Variants in MUC3A observed in about 807,000 individuals in gnomAD.
MUC3A encodes mucin-3A.
In MUC3A, 109 loss-of-function variants were observed where a neutral mutation model predicts 109.0. That is an observed-to-expected ratio of 1.00 (90% CI 0.86 to 1.17). MUC3A has a LOEUF of 1.17. Among genes scored for constraint, MUC3A ranks in the 50% most tolerant of loss-of-function variants. The probability of loss-of-function intolerance (pLI) is 0.00; values close to 1 mark genes in which losing one functional copy is unlikely to be tolerated. For synonymous variants in MUC3A, 1,398 were observed against 981.4 expected (o/e 1.42, Z -7.93); for missense variants, 3,537 against 2,469.4 (o/e 1.43, Z -9.16).
Position 100,952,968 on chromosome 7 carries a change from C to T in MUC3A, c.1189C>T (p.His397Tyr). 6.3e-7 allele frequency: 1 copy of T among 1,580,118 alleles called. No homozygotes were observed. Among genetic ancestry groups the T allele is most frequent in the Admixed American group, 1.7e-5 (1 of 58,010 alleles). ...LVTTTTEISS[H>Y]STPSFSSSTI... Reference sequence around the variant, plus strand: ...AACCACCACCACTGAGATCTCCTCCCACAGTACTCCCAGCTTCTCTTCATC... The same window carrying T: ...AACCACCACCACTGAGATCTCCTCCTACAGTACTCCCAGCTTCTCTTCATC... The change falls in exon 2 of 12, where the codon CAC becomes TAC. Residue 397 changes from histidine to tyrosine, a missense_variant. Coordinates refer to ENST00000379458, the MANE Select transcript of MUC3A (RefSeq NM_005960.2).
chr7:100,963,647 TG>T, intron 4 of MUC3A, 40 bp from the exon 5 acceptor site: 1 of 1,598,336 alleles, frequency 6.3e-7, no homozygotes, highest in South Asian at 1.1e-5. Context: ...CCCTCAGGTC[TG>T]CAGGTTCGGA....
At position 100,965,903 on chromosome 7, in the gene MUC3A, C is replaced by T. The variant is rs763375983; in HGVS notation, c.9611+37C>T. 1.0e-5 allele frequency: 16 copies of T among 1,564,184 alleles called. No homozygotes were observed. The African/African-American group carries it at 2.0e-4, about 20-fold the overall frequency. On this transcript the variant is annotated intron_variant, in intron 8 of 11. Coordinates refer to ENST00000379458, the MANE Select transcript of MUC3A (RefSeq NM_005960.2). Reference sequence around the variant, plus strand: ...CTCACCATCGGCATCAGCCGAGCCCCTCCCACTCATTCTAGGATGAAGCCC... The same window carrying T: ...CTCACCATCGGCATCAGCCGAGCCCTTCCCACTCATTCTAGGATGAAGCCC...
At chr7:100,963,789 G>C in intron 5 of MUC3A, 37 bp downstream of exon 5, 1 of 1,598,238 alleles carries the variant, frequency 6.3e-7, no homozygotes, top group Non-Finnish European at 8.5e-7. Flanking sequence ...GGCGGTGTTG[G>C]GTGGGGGAAA....
In MUC3A at chr7:100,960,806, G is replaced by T. The variant is rs759534118; in HGVS notation, c.8921G>T (p.Gly2974Val). The T allele has an allele frequency of 1.3e-6, 2 of 1,598,532 alleles. No individual in the cohort carries two copies. The highest frequency in any genetic ancestry group is 1.7e-6 in the Non-Finnish European group (2 of 1,179,814). The change falls in exon 3 of 12, where the codon GGG (glycine) becomes GTG (valine). Residue 2974 changes from glycine (G) to valine (V), a missense_variant. Coordinates refer to ENST00000379458, the MANE Select transcript of MUC3A (RefSeq NM_005960.2). ...CAGGGCCAGTGTGCTTGCCTTCCGG[G>T]GTTTTCTGGGGACCGCTGTCAGCTC... ...WEQGQCACLP[G>V]FSGDRCQLQT...
At position 100,952,472 on chromosome 7, in the gene MUC3A, G is replaced by C. The variant is rs769059105; in HGVS notation, c.693G>C (p.Leu231=). The stretch of plus-strand genomic sequence containing the variant: ...CTAGAACCACAGAAAGGACTCCCCT[G>C]CCCACTGGAAGCATCCATACAACCA... ...STTRTTERTP[L]PTGSIHTTTS... is the part of the protein sequence containing the mutation. The change falls in exon 2 of 12, where the codon CTG becomes CTC. Residue 231 remains leucine, a synonymous_variant. Coordinates refer to ENST00000379458, the MANE Select transcript of MUC3A (RefSeq NM_005960.2). 20 of 1,598,122 alleles carry C rather than the reference G, an allele frequency of 1.3e-5. No homozygotes were observed. Among genetic ancestry groups the C allele is most frequent in the Non-Finnish European group, 1.7e-5 (20 of 1,179,534 alleles).
chr7:100,965,253 C>G, intron 6 of MUC3A, 29 bp from the exon 7 acceptor site: 2 of 1,597,180 alleles, frequency 1.3e-6, no homozygotes, highest in South Asian at 1.1e-5. Context: ...TCTGCCCCGC[C>G]CATTCCATCT....
Position 100,958,144 on chromosome 7 carries a change from A to G in MUC3A, c.6365A>G (p.His2122Arg), listed in dbSNP as rs1792151110. ...ATCACCACCTCTGAGATGCCCTCAC[A>G]CAGTACTCCCAGCTTCACTTCTTCG... ...SSITTSEMPS[H>R]STPSFTSSIT... Residue 2122 changes from histidine to arginine, a missense_variant, in exon 2 of 12, where the codon CAC (histidine) becomes CGC (arginine). Transcript: ENST00000379458. 3.4e-4 allele frequency: 341 copies of G among 1,012,286 alleles called. 1 individual carries two copies. In the African/African-American group the frequency reaches 5.4e-3, roughly 16 times the overall value. The allele number at this position is 1,012,286 out of a possible 1,614,324, so 62.7% of individuals were successfully genotyped here.
rs193087601 is a variant in MUC3A, at chr7:100,966,647, C to T, written c.9786-5C>T. The T allele has an allele frequency of 6.3e-7, 1 of 1,598,046 alleles. No homozygotes were observed. Among genetic ancestry groups the T allele is most frequent in the African/African-American group, 1.3e-5 (1 of 74,686 alleles). The stretch of plus-strand genomic sequence containing the variant: ...TCTGTCTGACCGCGCGGCGGCCCCA[C>T]CTAGGTCCTGGGACCAGGACAGGAA... On this transcript the variant is annotated splice_region_variant and splice_polypyrimidine_tract_variant and intron_variant, in intron 9 of 11. Transcript: ENST00000379458.
chr7:100,960,981 T>C, intron 3 of MUC3A, 44 bp downstream of exon 3: 1 of 1,598,310 alleles, frequency 6.3e-7, no homozygotes, highest in Non-Finnish European at 8.5e-7. Context: ...TCCCACAGGG[T>C]GTCACTGACT....
At chr7:100,964,357 G>A (rs1792449953) in intron 5 of MUC3A, 1 of 308,728 alleles carries the variant, frequency 3.2e-6, no homozygotes, top group African/African-American at 2.1e-5. Context: ...ATACTTGGGA[G>A]GCTGAGGAGA....
At chr7:100,963,378 CG>C (rs1792407324) in intron 4 of MUC3A, 112 bp downstream of exon 4, 2 of 896,348 alleles carry the variant, frequency 2.2e-6, no homozygotes, top group East Asian at 2.6e-5. Context: ...CTCCGCCTCC[CG>C]GGTTCACATG....
Position 100,959,277 on chromosome 7 carries a change from A to C in MUC3A, c.7498A>C (p.Ser2500Arg), listed in dbSNP as rs1242272239. The C allele has an allele frequency of 6.3e-7, 1 of 1,590,856 alleles. No homozygotes were observed. The highest frequency in any genetic ancestry group is 1.3e-5 in the African/African-American group (1 of 74,876). Residue 2500 changes from serine (S) to arginine (R), a missense_variant, in exon 2 of 12, where the codon AGC becomes CGC. Physicochemically the swap from Ser to Arg is moderately radical, Grantham distance 110. Coordinates refer to ENST00000379458, the MANE Select transcript of MUC3A (RefSeq NM_005960.2). ...TCTCACCCCTTCGTCTGTGGGCACC[A>C]GCACTTCATTGACTACAACCACAGA... ...RTLTPSSVGT[S>R]TSLTTTTDFP...
Position 100,959,604 on chromosome 7 carries a change from T to A in MUC3A, c.7825T>A (p.Ser2609Thr). 4 of 1,598,086 alleles carry A rather than the reference T, an allele frequency of 2.5e-6. No individual in the cohort carries two copies. Among genetic ancestry groups the A allele is most frequent in the Non-Finnish European group, 3.4e-6 (4 of 1,179,568 alleles). ...VTFGSTDSSTSTLHTLTPSTA... is the reference protein window; with the variant it reads ...VTFGSTDSSTTTLHTLTPSTA... ...CTTTGGAAGTACGGATTCCTCCACG[T>A]CCACTCTTCATACTCTTACTCCATC... Residue 2609 changes from serine (S) to threonine (T), a missense_variant, in exon 2 of 12, where the codon TCC becomes ACC. By Grantham distance (58) the Ser-to-Thr change is moderately conservative. Coordinates refer to ENST00000379458, the MANE Select transcript of MUC3A (RefSeq NM_005960.2).
intron 4 of MUC3A, among the ~76,000 whole-genome samples, 179 bp from the exon 5 acceptor site, chr7:100,963,509 A>G (rs916076441): frequency 3.3e-5 from 5 of 152,312 alleles, no homozygotes; most frequent in African/African-American, 1.2e-4. Flanking sequence ...CTGGTCTCGA[A>G]CTACTGACTT....
chr7:100,966,618 C>T (rs765455168), intron 9 of MUC3A, 34 bp from the exon 10 acceptor site: 2 of 1,598,300 alleles, frequency 1.3e-6, no homozygotes, highest in African/African-American at 1.3e-5. Context: ...CCAGGCGGGC[C>T]GGCTCTGTCT....
At position 100,960,269 on chromosome 7, in the gene MUC3A, C is replaced by G; in HGVS notation, c.8490C>G (p.Asp2830Glu). The G allele has an allele frequency of 1.3e-6, 2 of 1,598,554 alleles. No homozygotes were observed. Among genetic ancestry groups the G allele is most frequent in the Non-Finnish European group, 8.5e-7 (1 of 1,179,828 alleles). ...SIQTTLTTYM[D>E]TSSMMPESES... Reference sequence around the variant, plus strand: ...AAACTACTCTTACTACATATATGGACACTTCTTCCATGATGCCAGAAAGTG... The same window carrying G: ...AAACTACTCTTACTACATATATGGAGACTTCTTCCATGATGCCAGAAAGTG... The change falls in exon 2 of 12, where the codon GAC becomes GAG. Residue 2830 changes from aspartate (D) to glutamate (E), a missense_variant. Transcript: ENST00000379458.
Position 100,964,731 on chromosome 7 carries a change from G to A in MUC3A, c.9270G>A (p.Leu3090=). The part of the protein sequence containing the change: ...GSIVVDYLVL[L]EMPFSPQLES... ...TCGTGGTGGACTACCTGGTCCTGCT[G>A]GAGATGCCCTTCAGCCCCCAGCTGG... Residue 3090 remains leucine, a synonymous_variant, in exon 6 of 12, where the codon CTG becomes CTA. Coordinates refer to ENST00000379458, the MANE Select transcript of MUC3A (RefSeq NM_005960.2). 3.1e-6 allele frequency: 5 copies of A among 1,598,494 alleles called. No homozygotes were observed. The highest frequency in any genetic ancestry group is 4.2e-6 in the Non-Finnish European group (5 of 1,179,782).
chr7:100,966,246 C>CCACGGTGGATT, intron 8 of MUC3A, 140 bp from the exon 9 acceptor site: 1 of 604,536 alleles, frequency 1.7e-6, no homozygotes, highest in Non-Finnish European at 2.3e-6. Flanking sequence ...AGGGTGGATT[C>CCACGGTGGATT]CCAGCCCCTT....
In MUC3A at chr7:100,959,688, TC is replaced by T; in HGVS notation, c.7911del (p.Thr2638ProfsTer37). The part of the protein sequence containing the change: ...SQVPIPSTHS[S>X]TLQTTPSTPS... The stretch of plus-strand genomic sequence containing the variant: ...GGTTCCTATTCCTAGCACACATTCC[TC>T]CACCCTTCAAACAACTCCTTCTACT... On this transcript the variant is annotated frameshift_variant, in exon 2 of 12. Coordinates refer to ENST00000379458, the MANE Select transcript of MUC3A (RefSeq NM_005960.2). LOFTEE classifies it high-confidence loss of function. The T allele has an allele frequency of 6.3e-7, 1 of 1,598,544 alleles. No homozygotes were observed. The highest frequency in any genetic ancestry group is 8.5e-7 in the Non-Finnish European group (1 of 1,179,820).
Sources: gnomAD v4.1 joint callset for allele counts (sites outside exome capture counted in the v4.1 genomes callset) on GRCh38, gnomAD v4.1.1 for gene constraint, MANE v1.5 for transcripts, NCBI Gene and HGNC (gene_info 2026-07-23, HGNC 2026-07-21) for gene names.